The following ZFHX3 variants were observed in gnomAD, a reference collection of about 807,000 sequenced individuals.
ZFHX3 encodes zinc finger homeobox protein 3.
A neutral mutation model predicts 279.1 loss-of-function variants in ZFHX3; 42 were observed. The ratio of observed to expected loss-of-function variants is 0.15; its 90% CI spans 0.12 to 0.19. The LOEUF is 0.19. Among genes scored for constraint, ZFHX3 ranks in the 10% least tolerant of loss-of-function variants. The pLI, the probability that ZFHX3 is intolerant of heterozygous loss-of-function variation, is 1.00. For missense variants in ZFHX3, 4,981 were observed against 4,754.0 expected (o/e 1.05, Z -1.40); for synonymous variants, 2,293 against 1,957.8 (o/e 1.17, Z -4.52).
intron 2 of ZFHX3, among the ~76,000 whole-genome samples, chr16:73,478,666 A>G (rs868828508): frequency 2.5e-4 from 38 of 152,282 alleles, no homozygotes; most frequent in Middle Eastern, 6.8e-3. Context: ...CTCTTGTATA[A>G]ACAGATAATT....
intron 1 of ZFHX3, among the ~76,000 whole-genome samples, chr16:72,960,472 C>T (rs1961523721): frequency 6.6e-6 from 1 of 152,180 alleles, no homozygotes; most frequent in Non-Finnish European, 1.5e-5. Context: ...CACCGCTCTG[C>T]CCCTGAAGAC....
At chr16:72,915,810 T>C (rs543283123) in intron 3 of ZFHX3, among the ~76,000 whole-genome samples, 1 of 151,994 alleles carries the variant, frequency 6.6e-6, no homozygotes, top group African/African-American at 2.4e-5. Context: ...AAAGCACATA[T>C]AATCATTTTA....
chr16:73,213,428 A>G (rs1273670640), intron 5 of ZFHX3, among the ~76,000 whole-genome samples: 1 of 152,206 alleles, frequency 6.6e-6, no homozygotes, highest in African/African-American at 2.4e-5. Context: ...AGCTCGACCC[A>G]CATGTGCAAG....
rs185098381 is a variant in ZFHX3 at position 73,551,399 on chromosome 16, G to C, written c.-1546-95141C>G. Reference sequence around the variant, plus strand: ...TATGACCAAATTATGCATCTGTTTTGTCTTAAAAGTAAATATCTAATTAAA... The same window carrying C: ...TATGACCAAATTATGCATCTGTTTTCTCTTAAAAGTAAATATCTAATTAAA... On this transcript the variant is annotated intron_variant, in intron 2 of 17. Coordinates refer to the ZFHX3 transcript ENST00000641206. Among the ~76,000 whole-genome samples the C allele has an allele frequency of 3.0e-4, 45 of 152,218 alleles. 1 individual carries two copies. Among genetic ancestry groups the C allele is most frequent in the African/African-American group, 1.0e-3 (43 of 41,522 alleles).
chr16:73,443,602 CT>C (rs1407469838), intron 3 of ZFHX3, among the ~76,000 whole-genome samples: 2 of 152,174 alleles, frequency 1.3e-5, no homozygotes, highest in Non-Finnish European at 2.9e-5. Context: ...AGCCTTATGA[CT>C]TTGGTGCATT....
intron 9 of ZFHX3, chr16:72,791,595 A>T (rs2035705821): frequency 6.6e-6 from 1 of 152,334 alleles, no homozygotes; most frequent in Non-Finnish European, 1.5e-5. Flanking sequence ...TCTGTAAAAC[A>T]AGCGGAATAA....
At chr16:73,276,195 T>C (rs1402219930) in intron 4 of ZFHX3, among the ~76,000 whole-genome samples, 1 of 140,446 alleles carries the variant, frequency 7.1e-6, no homozygotes, top group Non-Finnish European at 1.5e-5. Context: ...TTTTTTTTTC[T>C]TTTCTGAGAC....
At position 73,403,917 on chromosome 16, in the gene ZFHX3, C is replaced by T. The variant is rs74028623; in HGVS notation, c.-1291+52086G>A. On this transcript the variant is annotated intron_variant, in intron 3 of 17. Coordinates refer to the ZFHX3 transcript ENST00000641206. ...TGGGTGCTGGTGGCATTTGGAGTCA[C>T]GGATGCTCTGTCTTTGGATCTTGGG... 9.5e-3 allele frequency among the ~76,000 whole-genome samples: 1,451 copies of T among 151,974 alleles called. 21 individuals carry two copies. Among genetic ancestry groups the T allele is most frequent in the African/African-American group, 0.032 (1,326 of 41,394 alleles).
Position 73,766,372 on chromosome 16 carries a change from C to T in ZFHX3, c.-1607-86132G>A, listed in dbSNP as rs576290075. Among the ~76,000 whole-genome samples, 4 of 152,222 alleles carry T rather than the reference C, an allele frequency of 2.6e-5. No individual in the cohort carries two copies. In the East Asian group the frequency reaches 7.7e-4, roughly 29 times the overall value. On this transcript the variant is annotated intron_variant, in intron 1 of 17. Coordinates refer to the ZFHX3 transcript ENST00000641206. ...CCCAGGTATATCGCCAGGGTGACTG[C>T]CTATACATCTCTCTTGGGTCTTTTA...
rs1381145875 is a variant in ZFHX3, at chr16:72,797,804, T to G, written c.4878A>C (p.Ala1626=). The change falls in exon 9 of 10, where the codon GCA becomes GCC. Residue 1626 remains alanine, a synonymous_variant. Transcript: ENST00000268489. The stretch of plus-strand genomic sequence containing the variant: ...TGCCACTTGCAGCCTCCAGCTTGGC[T>G]GCCCGGGCCTTGGTTTGATGTAACA... ...RSVLHQTKAR[A]AKLEAASGSS... 20 of 1,614,156 alleles carry G rather than the reference T, an allele frequency of 1.2e-5. No homozygotes were observed. Among genetic ancestry groups the G allele is most frequent in the Non-Finnish European group, 1.7e-5 (20 of 1,180,032 alleles).
chr16:73,790,213 T>A (rs1959781153), intron 1 of ZFHX3, among the ~76,000 whole-genome samples: 1 of 151,586 alleles, frequency 6.6e-6, no homozygotes, highest in South Asian at 2.1e-4. Context: ...TCAGAATGTA[T>A]CCTGGATCTT....
intron 4 of ZFHX3, among the ~76,000 whole-genome samples, chr16:72,875,278 C>G (rs1047426779): frequency 2.6e-5 from 4 of 152,224 alleles, no homozygotes; most frequent in Non-Finnish European, 5.9e-5. Context: ...ACGGCAGATA[C>G]CTGCAGACTG....
At chr16:72,980,063 C>T (rs1281610214) in intron 1 of ZFHX3, among the ~76,000 whole-genome samples, 1 of 152,184 alleles carries the variant, frequency 6.6e-6, no homozygotes, top group African/African-American at 2.4e-5. Flanking sequence ...AATGAGAAGG[C>T]TTGAGTGTGA....
In ZFHX3 at chr16:73,447,073, C is replaced by A. The variant is rs540845425; in HGVS notation, c.-1291+8930G>T. On this transcript the variant is annotated intron_variant, in intron 3 of 17. Transcript: ENST00000641206. ...GTGGGCACCTGTAGTCCCAGCTACT[C>A]GGGAGGCTGAGGCAGGAGAATGGCA... 6.0e-5 allele frequency among the ~76,000 whole-genome samples: 9 copies of A among 150,710 alleles called. No homozygotes were observed. In the East Asian group the frequency reaches 1.8e-3, roughly 30 times the overall value.
chr16:73,669,210 C>T (rs931514390), intron 2 of ZFHX3, among the ~76,000 whole-genome samples: 31 of 152,132 alleles, frequency 2.0e-4, no homozygotes, highest in African/African-American at 5.5e-4. Context: ...TGTGCCACTA[C>T]GCCCTGCTAA....
chr16:73,427,051 G>A (rs1011138136), intron 3 of ZFHX3, among the ~76,000 whole-genome samples: 4 of 152,158 alleles, frequency 2.6e-5, no homozygotes, highest in African/African-American at 9.7e-5. Context: ...GGCTGATGCT[G>A]GTGACATTGC....
chr16:73,858,095 C>CAAAA (rs111695031), intron 1 of ZFHX3, among the ~76,000 whole-genome samples: 2 of 132,326 alleles, frequency 1.5e-5, no homozygotes, highest in African/African-American at 5.5e-5. Context: ...GATTCTGTCT[C>CAAAA]AAAAAAAAAA....
chr16:73,693,727 G>A (rs1479701461), intron 1 of ZFHX3, among the ~76,000 whole-genome samples: 1 of 152,078 alleles, frequency 6.6e-6, no homozygotes, highest in East Asian at 1.9e-4. Context: ...CCTTCAGTTA[G>A]GATTTCAATT....
intron 3 of ZFHX3, among the ~76,000 whole-genome samples, chr16:72,918,118 G>T (rs1359933402): frequency 6.6e-6 from 1 of 151,950 alleles, no homozygotes; most frequent in African/African-American, 2.4e-5. Context: ...TCAAGGAAAG[G>T]GACAGACTCC....
Sources: gnomAD v4.1 joint callset for allele counts (sites outside exome capture counted in the v4.1 genomes callset) on GRCh38, gnomAD v4.1.1 for gene constraint, MANE v1.5 for transcripts, NCBI Gene and HGNC (gene_info 2026-07-23, HGNC 2026-07-21) for gene names.